The following MTAP variants were observed in gnomAD, a reference collection of about 807,000 sequenced individuals.
MTAP encodes the protein S-methyl-5'-thioadenosine phosphorylase.
In MTAP, 33 loss-of-function variants were observed where a neutral mutation model predicts 33.6. The observed-to-expected ratio is 0.98, with a 90% CI of 0.74 to 1.31. MTAP has a LOEUF of 1.31. Ranked by LOEUF, MTAP falls within the 40% of genes most tolerant of loss-of-function variation. MTAP has a pLI of 0.00. For synonymous variants in MTAP, 148 were observed against 125.7 expected, an observed-to-expected ratio of 1.18 and a Z score of -1.19; for missense variants, 367 against 360.0, an observed-to-expected ratio of 1.02 and a Z score of -0.16.
At position 21,866,443 on chromosome 9, in the gene MTAP, G is replaced by A. The variant is rs1423692698; in HGVS notation, c.*4429G>A. The A allele has an allele frequency of 6.6e-6, 1 of 151,826 alleles. No individual in the cohort carries two copies. Among genetic ancestry groups the A allele is most frequent in the African/African-American group, 2.4e-5 (1 of 41,342 alleles). 9.4% of individuals were successfully genotyped at this position (151,826 alleles called of 1,614,324 possible). A position where few individuals can be genotyped will look rare whatever the true frequency, so the allele number is the denominator to read the frequency against. ...TTTTTGTGTGTTCCAAGAAATCTTT[G>A]CCTACTCATTTAATTACCTGTGTGC... On this transcript the variant is annotated 3_prime_UTR_variant, in exon 8 of 8. Coordinates refer to ENST00000644715, the MANE Select transcript of MTAP (RefSeq NM_002451.4).
At chr9:21,852,031 C>G (rs1233267216) in intron 5 of MTAP, among the ~76,000 whole-genome samples, 1 of 152,142 alleles carries the variant, frequency 6.6e-6, no homozygotes, top group African/African-American at 2.4e-5. Flanking sequence ...CTCTAGAGAA[C>G]TCTGACTAAT....
intron 1 of MTAP, among the ~76,000 whole-genome samples, chr9:21,900,742 A>T (rs1321082444): frequency 6.6e-6 from 1 of 152,232 alleles, no homozygotes; most frequent in South Asian, 2.1e-4. Context: ...CACTATTCAC[A>T]ATAGCAAAGA....
At chr9:21,913,061 C>A (rs1203670055) in intron 1 of MTAP, among the ~76,000 whole-genome samples, 1 of 152,104 alleles carries the variant, frequency 6.6e-6, no homozygotes, top group Admixed American at 6.6e-5. Flanking sequence ...ACCTAGGAAT[C>A]CAACTTACAA....
At chr9:21,844,251 CAAAG>C (rs1825321241) in intron 5 of MTAP, among the ~76,000 whole-genome samples, 2 of 152,010 alleles carry the variant, frequency 1.3e-5, no homozygotes, top group Non-Finnish European at 2.9e-5. Context: ...AAATTGCCAA[CAAAG>C]AAAACATCCA....
intron 1 of MTAP, among the ~76,000 whole-genome samples, chr9:21,917,270 C>T (rs1818706700): frequency 6.6e-6 from 1 of 152,102 alleles, no homozygotes; most frequent in African/African-American, 2.4e-5. Flanking sequence ...GGAGAGAGGT[C>T]TCAGCTAAAG....
chr9:21,806,063 T>C (rs1824200787), intron 1 of MTAP, among the ~76,000 whole-genome samples: 1 of 152,166 alleles, frequency 6.6e-6, no homozygotes, highest in Non-Finnish European at 1.5e-5. Context: ...AGAATTTTGA[T>C]TTTAAATGTT....
At chr9:21,867,903 G>T (rs1321809868), downstream of MTAP, among the ~76,000 whole-genome samples, 1 of 152,022 alleles carries the variant, frequency 6.6e-6, no homozygotes, top group Non-Finnish European at 1.5e-5. Flanking sequence ...AATAAACTAA[G>T]GTACATCAAT....
intron 1 of MTAP, among the ~76,000 whole-genome samples, chr9:21,914,857 GA>G (rs200216487): frequency 4.0e-5 from 6 of 148,232 alleles, no homozygotes; most frequent in Admixed American, 6.7e-5. Flanking sequence ...TGGAAAAATA[GA>G]AAAAAAAAGA....
downstream of MTAP, among the ~76,000 whole-genome samples, chr9:21,939,028 C>T (rs768424914): frequency 6.6e-6 from 1 of 152,154 alleles, no homozygotes; most frequent in Non-Finnish European, 1.5e-5. Context: ...GTGGGAGGGA[C>T]CCAGGGAGAG....
chr9:21,863,269 G>A lies in MTAP; in HGVS notation c.*1255G>A. The A allele has an allele frequency of 1.0e-6, 1 of 983,380 alleles. No individual in the cohort carries two copies. The highest frequency in any genetic ancestry group is 1.2e-6 in the Non-Finnish European group (1 of 828,132). 60.9% of individuals were successfully genotyped at this position (983,380 alleles called of 1,614,324 possible). On this transcript the variant is annotated 3_prime_UTR_variant, in exon 8 of 8. Coordinates refer to ENST00000644715, the MANE Select transcript of MTAP (RefSeq NM_002451.4). ...GGTAATTTTTGCTTTTTAATAAAGT[G>A]GAAGCTTGCTTTTTTAACTCTTTTT...
At chr9:21,938,048 T>C (rs1315164654), downstream of MTAP, among the ~76,000 whole-genome samples, 2 of 152,048 alleles carry the variant, frequency 1.3e-5, no homozygotes, top group African/African-American at 4.8e-5. Context: ...TAAGGTGGGC[T>C]GATTGCCTGA....
At chr9:21,867,430 A>G (rs556515977), downstream of MTAP, among the ~76,000 whole-genome samples, 1 of 152,244 alleles carries the variant, frequency 6.6e-6, no homozygotes, top group African/African-American at 2.4e-5. Flanking sequence ...CTGTTGAGAG[A>G]ATCTTGACTT....
chr9:21,815,610 GC>G, intron 2 of MTAP, 91 bp downstream of exon 2: 3 of 775,370 alleles, frequency 3.9e-6, no homozygotes, highest in East Asian at 3.1e-5. Flanking sequence ...AAAAAGAATT[GC>G]TTTTGTTTTG....
In MTAP at chr9:21,908,680, T is replaced by C. The variant is rs545604274; in HGVS notation, c.148-22328T>C. Among the ~76,000 whole-genome samples, 59 of 152,232 alleles carry C rather than the reference T, an allele frequency of 3.9e-4. No individual in the cohort carries two copies. The South Asian group carries it at 0.012, about 30-fold the overall frequency. On this transcript the variant is annotated intron_variant, in intron 1 of 1. Coordinates refer to the MTAP transcript ENST00000577563. ...TTTTGTTGTTTTCCTCTATTTGTTTTCTCTAGTTTTTGTTTTAGTTTTCCT... is the reference window on the plus strand; with the variant it reads ...TTTTGTTGTTTTCCTCTATTTGTTTCCTCTAGTTTTTGTTTTAGTTTTCCT...
chr9:21,826,304 G>A (rs1190718925), intron 4 of MTAP, among the ~76,000 whole-genome samples: 1 of 151,262 alleles, frequency 6.6e-6, no homozygotes, highest in African/African-American at 2.4e-5. Context: ...GTTCAAATAA[G>A]GGTCCACTCA....
rs115052423 is a variant in MTAP, at chr9:21,899,716, A to G, written c.148-31292A>G. On this transcript the variant is annotated intron_variant, in intron 1 of 1. Coordinates refer to the MTAP transcript ENST00000577563. ...AACATGGGGAAACCACCCCCATCCA[A>G]TTATCTCCACCTGGTCCCGCCCTTG... Among the ~76,000 whole-genome samples, 1,396 of 152,266 alleles carry G rather than the reference A, an allele frequency of 9.2e-3. 12 individuals are homozygous for G. Among genetic ancestry groups the G allele is most frequent in the African/African-American group, 0.032 (1,336 of 41,556 alleles).
chr9:21,864,285 C>T lies in MTAP; in HGVS notation c.*2271C>T. ...AAAGCCAATATAATTTTCCTCATAC[C>T]TTATGCTTGAGGATATTGTTGAAGA... On this transcript the variant is annotated 3_prime_UTR_variant, in exon 8 of 8. Transcript: ENST00000644715. 1.0e-6 allele frequency: 1 copy of T among 985,202 alleles called. No individual in the cohort carries two copies. The highest frequency in any genetic ancestry group is 1.2e-6 in the Non-Finnish European group (1 of 829,808). 61.0% of individuals were successfully genotyped at this position (985,202 alleles called of 1,614,324 possible).
rs1215364858 is a variant in MTAP at position 21,862,927 on chromosome 9, T to C, written c.*913T>C. 4.1e-6 allele frequency: 4 copies of C among 977,452 alleles called. No individual in the cohort carries two copies. Among genetic ancestry groups the C allele is most frequent in the Non-Finnish European group, 4.9e-6 (4 of 822,738 alleles). 60.5% of individuals were successfully genotyped at this position (977,452 alleles called of 1,614,324 possible). A position where few individuals can be genotyped will look rare whatever the true frequency, so the allele number is the denominator to read the frequency against. On this transcript the variant is annotated 3_prime_UTR_variant, in exon 8 of 8. Coordinates refer to ENST00000644715, the MANE Select transcript of MTAP (RefSeq NM_002451.4). ...TCAAATAGTAAAGTTGTTGTAAAAATAAAAGTGGATTTAGAAAGATCCAGT... is the reference window on the plus strand; with the variant it reads ...TCAAATAGTAAAGTTGTTGTAAAAACAAAAGTGGATTTAGAAAGATCCAGT...
chr9:21,859,661 G>T (rs1825714907), intron 7 of MTAP: 1 of 376,648 alleles, frequency 2.7e-6, no homozygotes. Context: ...ATTATCTCGT[G>T]TACCAGATTC....
Sources: gnomAD v4.1 joint callset for allele counts (sites outside exome capture counted in the v4.1 genomes callset) on GRCh38, gnomAD v4.1.1 for gene constraint, MANE v1.5 for transcripts, NCBI Gene and HGNC (gene_info 2026-07-23, HGNC 2026-07-21) for gene names.